Variants in TANC2 observed in about 807,000 individuals in gnomAD.
The protein encoded by TANC2 is protein TANC2.
Under a neutral mutation model 210.5 loss-of-function variants are expected in TANC2, and 26 were observed. The ratio of observed to expected loss-of-function variants is 0.12; its 90% CI spans 0.09 to 0.17. The LOEUF (loss-of-function observed/expected upper bound fraction) is 0.17. Ranked by LOEUF, TANC2 falls within the 10% of genes least tolerant of loss-of-function variation. The pLI is 1.00. For synonymous variants in TANC2, 931 were observed against 967.1 expected (o/e 0.96, Z 0.69); for missense variants, 2,129 against 2,608.9 (o/e 0.82, Z 4.01).
intron 4 of TANC2, among the ~76,000 whole-genome samples, chr17:63,111,274 C>T (rs2038032373): frequency 6.6e-6 from 1 of 152,074 alleles, no homozygotes; most frequent in Non-Finnish European, 1.5e-5. Flanking sequence ...GAGATAGCAC[C>T]ACTGACAGAG....
intron 2 of TANC2, among the ~76,000 whole-genome samples, chr17:63,010,743 A>C (rs1009609287): frequency 3.9e-5 from 6 of 152,156 alleles, no homozygotes; most frequent in Non-Finnish European, 8.8e-5. Context: ...CACACAACTC[A>C]TGAAAACAGT....
At chr17:63,286,526 C>G (rs1287802513) in intron 9 of TANC2, among the ~76,000 whole-genome samples, 1 of 152,140 alleles carries the variant, frequency 6.6e-6, no homozygotes, top group Non-Finnish European at 1.5e-5. Flanking sequence ...TCTTCTCTAG[C>G]TGCTTTTAAG....
chr17:63,336,535 T>G (rs973001557), intron 11 of TANC2, among the ~76,000 whole-genome samples: 9 of 152,232 alleles, frequency 5.9e-5, no homozygotes, highest in African/African-American at 2.2e-4. Flanking sequence ...TCAAGAGATT[T>G]TATACACAAG....
intron 8 of TANC2, among the ~76,000 whole-genome samples, chr17:63,256,614 G>A (rs2043202639): frequency 6.6e-6 from 1 of 152,170 alleles, no homozygotes; most frequent in Admixed American, 6.5e-5. Context: ...GATCCATTTG[G>A]TCTATAATGC....
At chr17:63,300,724 A>G (rs1235264212) in intron 9 of TANC2, among the ~76,000 whole-genome samples, 1 of 152,168 alleles carries the variant, frequency 6.6e-6, no homozygotes, top group Admixed American at 6.5e-5. Context: ...GTCTTCTGCA[A>G]ACAGACAATT....
In TANC2 at chr17:63,056,431, A is replaced by G. The variant is rs541986237; in HGVS notation, c.68-17512A>G. Among the ~76,000 whole-genome samples, 319 of 152,216 alleles carry G rather than the reference A, an allele frequency of 2.1e-3. 5 individuals carry two copies. Among genetic ancestry groups the G allele is most frequent in the Non-Finnish European group, 8.5e-4 (58 of 68,012 alleles). ...GGTGACTCACACCTGTAATCCCAGC[A>G]CTTTGGGAGGCCAAGGCAGGAGGAT... is the stretch of plus-strand genomic sequence containing the variant. On this transcript the variant is annotated intron_variant, in intron 2 of 27. Transcript: ENST00000689528.
chr17:63,333,081 A>C (rs2045914255), intron 11 of TANC2, among the ~76,000 whole-genome samples: 1 of 152,208 alleles, frequency 6.6e-6, no homozygotes, highest in Admixed American at 6.5e-5. Context: ...GTCTGCTAAC[A>C]CAACATTCTT....
intron 7 of TANC2, among the ~76,000 whole-genome samples, chr17:63,228,677 A>G (rs986006352): frequency 1.3e-5 from 2 of 151,984 alleles, no homozygotes; most frequent in Non-Finnish European, 2.9e-5. Flanking sequence ...TAGGTATTTT[A>G]TTCTCTTTGT....
chr17:63,171,808 A>G (rs2040414508), intron 5 of TANC2, among the ~76,000 whole-genome samples: 1 of 152,366 alleles, frequency 6.6e-6, no homozygotes, highest in South Asian at 2.1e-4. Flanking sequence ...TAATCCCTGT[A>G]AATCCTCTTT....
At chr17:63,270,072 T>A (rs1322524300) in intron 9 of TANC2, among the ~76,000 whole-genome samples, 1 of 152,148 alleles carries the variant, frequency 6.6e-6, no homozygotes, top group Non-Finnish European at 1.5e-5. Flanking sequence ...TCTAAACGGT[T>A]AGAACATGCC....
chr17:63,359,363 T>TC (rs759348317), intron 14 of TANC2, among the ~76,000 whole-genome samples: 61 of 149,846 alleles, frequency 4.1e-4, no homozygotes, highest in South Asian at 3.0e-3. Context: ...TTTTTTTTTT[T>TC]CGAGACAGAG....
intron 7 of TANC2, among the ~76,000 whole-genome samples, chr17:63,226,830 C>T (rs2042340792): frequency 6.6e-6 from 1 of 152,148 alleles, no homozygotes; most frequent in African/African-American, 2.4e-5. Flanking sequence ...TCCACTCCCA[C>T]TTATAAGTGA....
intron 1 of TANC2, among the ~76,000 whole-genome samples, chr17:63,003,970 C>T (rs1478724740): frequency 1.3e-5 from 2 of 151,998 alleles, no homozygotes; most frequent in African/African-American, 2.4e-5. Flanking sequence ...TCAGGCAGGA[C>T]ATGGGCAGAC....
chr17:63,126,688 C>A (rs1183939776), intron 4 of TANC2, among the ~76,000 whole-genome samples: 1 of 152,108 alleles, frequency 6.6e-6, no homozygotes, highest in Non-Finnish European at 1.5e-5. Context: ...GGATTACAAG[C>A]ATGAGCCACC....
intron 7 of TANC2, 67 bp from the exon 8 acceptor site, chr17:63,237,747 C>G: frequency 7.0e-7 from 1 of 1,431,470 alleles, no homozygotes; most frequent in East Asian, 2.5e-5. Flanking sequence ...TTTTTATCAA[C>G]TTTGTCAAAG....
At chr17:63,274,922 T>A (rs1292717415) in intron 9 of TANC2, among the ~76,000 whole-genome samples, 2 of 152,202 alleles carry the variant, frequency 1.3e-5, no homozygotes, top group Non-Finnish European at 2.9e-5. Context: ...TCTGATCATC[T>A]TAATGAAAGC....
chr17:63,340,989 C>T (rs907044312), intron 12 of TANC2, among the ~76,000 whole-genome samples: 5 of 152,194 alleles, frequency 3.3e-5, no homozygotes, highest in African/African-American at 1.2e-4. Context: ...CAACCATTTC[C>T]TTGAAAATGG....
At chr17:63,161,844 T>A (rs2040037718) in intron 5 of TANC2, among the ~76,000 whole-genome samples, 1 of 152,118 alleles carries the variant, frequency 6.6e-6, no homozygotes, top group East Asian at 1.9e-4. Flanking sequence ...GCTGTCCCAG[T>A]TGTTAAATAT....
chr17:63,340,327 A>G, exon 12 of TANC2: 2 of 1,613,606 alleles, frequency 1.2e-6, no homozygotes, highest in South Asian at 2.2e-5. Flanking sequence ...GAAAATCTCC[A>G]TAAAGGTACA....
Sources: allele counts gnomAD v4.1 joint callset (sites outside exome capture counted in the v4.1 genomes callset), GRCh38; gene constraint gnomAD v4.1.1; transcripts MANE v1.5; gene names NCBI Gene and HGNC (gene_info 2026-07-23, HGNC 2026-07-21).